CCSER1: variants seen among roughly 807,000 people sequenced by gnomAD.
CCSER1 encodes coiled-coil serine rich protein 1.
In CCSER1, 41 loss-of-function variants were observed where a neutral mutation model predicts 82.0. The observed-to-expected ratio is 0.50, with a 90% CI of 0.39 to 0.65. CCSER1 has a LOEUF of 0.65. Among genes scored for constraint, CCSER1 ranks in the 30% least tolerant of loss-of-function variants. CCSER1 has a pLI of 0.00. For missense variants in CCSER1, 1,119 were observed against 1,064.2 expected (o/e 1.05, Z -0.72); for synonymous variants, 414 against 383.9 (o/e 1.08, Z -0.92).
intron 10 of CCSER1, among the ~76,000 whole-genome samples, chr4:91,378,882 T>A (rs1750650133): frequency 6.6e-6 from 1 of 152,188 alleles, no homozygotes; most frequent in Non-Finnish European, 1.5e-5. Context: ...ATATTGGCTG[T>A]GGGTTTGCCA....
intron 10 of CCSER1, among the ~76,000 whole-genome samples, chr4:91,196,730 C>T (rs1007175278): frequency 2.6e-5 from 4 of 152,166 alleles, no homozygotes; most frequent in African/African-American, 9.7e-5. Context: ...CTAGAGTCAT[C>T]GAATTCAGGT....
At chr4:90,808,658 G>C (rs7679671) in intron 7 of CCSER1, among the ~76,000 whole-genome samples, 51,709 of 151,876 alleles carry the variant, frequency 0.34, 9,008 homozygotes, top group East Asian at 0.42. Context: ...TCACTAACCA[G>C]CAGGGAAATG....
intron 5 of CCSER1, among the ~76,000 whole-genome samples, chr4:90,551,058 A>T (rs1579108820): frequency 1.3e-5 from 2 of 152,154 alleles, no homozygotes; most frequent in East Asian, 3.9e-4. Context: ...TTCTTCTAGG[A>T]AGTGCATGTG....
At chr4:91,376,051 T>C (rs1433539192) in intron 10 of CCSER1, among the ~76,000 whole-genome samples, 1 of 152,104 alleles carries the variant, frequency 6.6e-6, no homozygotes, top group Non-Finnish European at 1.5e-5. Context: ...AACTTAACTA[T>C]GTGGAAAACA....
intron 10 of CCSER1, among the ~76,000 whole-genome samples, chr4:91,411,483 C>CATATATATATATATATAT (rs1292774196): frequency 1.4e-5 from 1 of 69,248 alleles, no homozygotes; most frequent in Non-Finnish European, 2.8e-5. Flanking sequence ...TAAATTTCTG[C>CATATATATATATATATAT]ATATATACAT....
intron 9 of CCSER1, among the ~76,000 whole-genome samples, chr4:90,948,436 G>C (rs1732518841): frequency 6.6e-6 from 1 of 151,612 alleles, no homozygotes; most frequent in South Asian, 2.1e-4. Flanking sequence ...ATATTTTCTT[G>C]TTCTCAATTT....
chr4:90,166,186 G>A (rs765291229), intron 1 of CCSER1, among the ~76,000 whole-genome samples: 10 of 151,964 alleles, frequency 6.6e-5, no homozygotes, highest in Non-Finnish European at 1.2e-4. Flanking sequence ...CTATAAAAGA[G>A]GCTTTGTGTT....
chr4:90,201,436 T>C (rs974136954), intron 1 of CCSER1, among the ~76,000 whole-genome samples: 1 of 151,720 alleles, frequency 6.6e-6, no homozygotes, highest in African/African-American at 2.4e-5. Flanking sequence ...TCTGTAAAAA[T>C]ATGTGAGTCA....
At position 91,086,005 on chromosome 4, in the gene CCSER1, T is replaced by G; in HGVS notation, c.2217+11T>G. 6.7e-7 allele frequency: 1 copy of G among 1,499,186 alleles called. No individual in the cohort carries two copies. Among genetic ancestry groups the G allele is most frequent in the South Asian group, 1.2e-5 (1 of 82,796 alleles). 92.9% of individuals were successfully genotyped at this position (1,499,186 alleles called of 1,614,324 possible). On this transcript the variant is annotated intron_variant, in intron 10 of 10. Coordinates refer to ENST00000509176, the MANE Select transcript of CCSER1 (RefSeq NM_001145065.2). ...CAAGGAGGGAGAGAGGTAAGAATGTTTAAAGAAGAGGGGTGGGAAAAAGAG... is the reference window on the plus strand; with the variant it reads ...CAAGGAGGGAGAGAGGTAAGAATGTGTAAAGAAGAGGGGTGGGAAAAAGAG...
chr4:91,207,968 T>G (rs988421536), intron 10 of CCSER1, among the ~76,000 whole-genome samples: 1 of 152,038 alleles, frequency 6.6e-6, no homozygotes, highest in African/African-American at 2.4e-5. Context: ...TTTGCATTTT[T>G]CTAATGATCA....
intron 9 of CCSER1, among the ~76,000 whole-genome samples, chr4:91,000,182 A>T (rs1000472457): frequency 4.6e-5 from 7 of 151,834 alleles, no homozygotes; most frequent in African/African-American, 9.7e-5. Flanking sequence ...AGTATAGGTT[A>T]TATAGGCTAA....
At chr4:91,127,572 T>C (rs1727627164) in intron 10 of CCSER1, among the ~76,000 whole-genome samples, 1 of 152,086 alleles carries the variant, frequency 6.6e-6, no homozygotes, top group South Asian at 2.1e-4. Flanking sequence ...CTCACTATTT[T>C]TACTACCTTT....
chr4:91,565,546 T>C (rs71597251), intron 10 of CCSER1, among the ~76,000 whole-genome samples: 4 of 152,208 alleles, frequency 2.6e-5, no homozygotes, highest in Non-Finnish European at 4.4e-5. Context: ...GGATTTTTTT[T>C]CCATTTGTTT....
intron 10 of CCSER1, among the ~76,000 whole-genome samples, chr4:91,219,558 C>T (rs537547807): frequency 4.6e-4 from 70 of 152,164 alleles, no homozygotes; most frequent in Non-Finnish European, 7.4e-4. Context: ...CCACCTTGGC[C>T]TCCCAGAGTT....
intron 10 of CCSER1, among the ~76,000 whole-genome samples, chr4:91,591,718 T>A (rs2110341450): frequency 6.6e-6 from 1 of 152,326 alleles, no homozygotes; most frequent in East Asian, 1.9e-4. Context: ...AAACATATTT[T>A]AATGCGAGTA....
At chr4:90,915,250 G>A (rs918183777) in intron 8 of CCSER1, among the ~76,000 whole-genome samples, 30 of 152,062 alleles carry the variant, frequency 2.0e-4, no homozygotes, top group African/African-American at 7.2e-4. Context: ...GATGAACATT[G>A]ATGCAAAAAT....
At chr4:90,181,353 A>G in intron 1 of CCSER1, among the ~76,000 whole-genome samples, 1 of 152,326 alleles carries the variant, frequency 6.6e-6, no homozygotes, top group Non-Finnish European at 1.5e-5. Context: ...ATGATATACA[A>G]AAGTTAATGC....
chr4:90,660,966 A>C (rs1053253518), intron 6 of CCSER1, among the ~76,000 whole-genome samples: 2 of 145,786 alleles, frequency 1.4e-5, no homozygotes, highest in African/African-American at 2.5e-5. Flanking sequence ...CATAGTGCTC[A>C]ATAAAGGTAA....
At chr4:90,202,212 T>G (rs1737847295) in intron 1 of CCSER1, among the ~76,000 whole-genome samples, 1 of 151,888 alleles carries the variant, frequency 6.6e-6, no homozygotes, top group Non-Finnish European at 1.5e-5. Context: ...CTTTTTTTTT[T>G]TTTTTGAGAC....
Sources: allele counts gnomAD v4.1 joint callset (sites outside exome capture counted in the v4.1 genomes callset), GRCh38; gene constraint gnomAD v4.1.1; transcripts MANE v1.5; gene names NCBI Gene and HGNC (gene_info 2026-07-23, HGNC 2026-07-21).